Variants in METTL15 observed in about 807,000 individuals in gnomAD.
METTL15 encodes methyltransferase 15, mitochondrial 12S rRNA N4-cytidine, also known as 12S rRNA N(4)-cytidine methyltransferase METTL15.
A neutral mutation model predicts 38.3 loss-of-function variants in METTL15; 34 were observed. That is an observed-to-expected ratio of 0.89 (90% confidence interval 0.68 to 1.18). METTL15 has a LOEUF of 1.18. METTL15 is among the 50% of genes most tolerant of loss of function. METTL15 has a pLI of 0.00. For synonymous variants in METTL15, 162 were observed against 170.9 expected (o/e 0.95, Z 0.41); for missense variants, 438 against 498.4 (o/e 0.88, Z 1.15).
chr11:28,263,302 ACT>A (rs1855283717), intron 4 of METTL15, among the ~76,000 whole-genome samples: 1 of 151,794 alleles, frequency 6.6e-6, no homozygotes, highest in Non-Finnish European at 1.5e-5. Context: ...ATAAAATGAG[ACT>A]CTCTATCGTT....
At chr11:28,197,252 C>A (rs933148566) in intron 3 of METTL15, among the ~76,000 whole-genome samples, 16 of 151,758 alleles carry the variant, frequency 1.1e-4, no homozygotes, top group Admixed American at 2.6e-4. Flanking sequence ...TTTTAAAAGA[C>A]CTTCTGTCAA....
chr11:28,346,534 G>C (rs1332539105), intron 3 of METTL15, among the ~76,000 whole-genome samples: 3 of 151,960 alleles, frequency 2.0e-5, no homozygotes, highest in Non-Finnish European at 4.4e-5. Context: ...TTCTTTAATG[G>C]GGTTTAGAAA....
At chr11:28,155,452 T>C (rs189241933) in intron 3 of METTL15, among the ~76,000 whole-genome samples, 59 of 152,320 alleles carry the variant, frequency 3.9e-4, no homozygotes, top group African/African-American at 1.4e-3. Context: ...GCCTCAATAA[T>C]GCATCCTTTC....
intron 3 of METTL15, among the ~76,000 whole-genome samples, chr11:28,165,831 A>G (rs1049820936): frequency 7.2e-5 from 11 of 152,056 alleles, no homozygotes; most frequent in Non-Finnish European, 4.4e-5. Flanking sequence ...ATTTTTGCAT[A>G]TAGTCTCAGA....
chr11:28,183,006 T>G (rs899954699), intron 3 of METTL15, among the ~76,000 whole-genome samples: 6 of 152,138 alleles, frequency 3.9e-5, no homozygotes, highest in Non-Finnish European at 8.8e-5. Context: ...GGTATTTTAT[T>G]CTCTTAGTAG....
chr11:28,141,604 G>A (rs1361859529), intron 3 of METTL15, among the ~76,000 whole-genome samples: 4 of 152,148 alleles, frequency 2.6e-5, no homozygotes, highest in South Asian at 2.1e-4. Flanking sequence ...TGGGAGGATC[G>A]CTTGATCTGG....
chr11:28,275,973 C>A (rs1176140108), intron 4 of METTL15, among the ~76,000 whole-genome samples: 1 of 152,016 alleles, frequency 6.6e-6, no homozygotes, highest in African/African-American at 2.4e-5. Context: ...ATATATTACA[C>A]ACCTATAGCT....
intron 6 of METTL15, among the ~76,000 whole-genome samples, chr11:28,432,255 A>G (rs925224723): frequency 6.6e-6 from 1 of 152,224 alleles, no homozygotes; most frequent in African/African-American, 2.4e-5. Flanking sequence ...ACTTGCTGCT[A>G]TTTTAACTGT....
chr11:28,152,535 TCA>T (rs1565127335), intron 3 of METTL15, among the ~76,000 whole-genome samples: 1 of 151,934 alleles, frequency 6.6e-6, no homozygotes, highest in African/African-American at 2.4e-5. Context: ...TTTTTTTAAC[TCA>T]CAGTCTTTGA....
At chr11:28,270,029 G>A (rs1590240969) in intron 4 of METTL15, among the ~76,000 whole-genome samples, 1 of 152,300 alleles carries the variant, frequency 6.6e-6, no homozygotes, top group East Asian at 1.9e-4. Flanking sequence ...AGATGCCTGT[G>A]TATAAGGAGA....
At chr11:28,280,385 G>T (rs994995359) in intron 4 of METTL15, among the ~76,000 whole-genome samples, 1 of 152,040 alleles carries the variant, frequency 6.6e-6, no homozygotes, top group Non-Finnish European at 1.5e-5. Flanking sequence ...TTGCTCTCTT[G>T]AGTGTAATTT....
intron 4 of METTL15, among the ~76,000 whole-genome samples, chr11:28,224,640 G>A (rs1853396741): frequency 6.6e-6 from 1 of 151,608 alleles, no homozygotes; most frequent in Non-Finnish European, 1.5e-5. Flanking sequence ...TAAAACACAC[G>A]ATTTTATTGG....
intron 3 of METTL15, among the ~76,000 whole-genome samples, chr11:28,209,527 A>G (rs558931844): frequency 6.6e-6 from 1 of 152,090 alleles, no homozygotes; most frequent in African/African-American, 2.4e-5. Context: ...GGTGATAGTG[A>G]TAGAAGTACA....
chr11:28,520,286 C>T (rs988021894), intron 6 of METTL15, among the ~76,000 whole-genome samples: 4 of 151,754 alleles, frequency 2.6e-5, no homozygotes, highest in Admixed American at 2.6e-4. Flanking sequence ...CTGCAGTGAG[C>T]CGTGATCCAA....
intron 4 of METTL15, among the ~76,000 whole-genome samples, chr11:28,258,561 C>T (rs552452275): frequency 2.6e-4 from 39 of 152,174 alleles, no homozygotes; most frequent in African/African-American, 7.2e-4. Context: ...TTTAGTGTAC[C>T]GTAGCTGAGC....
chr11:28,392,100 A>C (rs1183614666), intron 5 of METTL15, among the ~76,000 whole-genome samples: 2 of 152,202 alleles, frequency 1.3e-5, no homozygotes, highest in Non-Finnish European at 2.9e-5. Flanking sequence ...TCTACTATGA[A>C]CTCAAACAAA....
intron 6 of METTL15, among the ~76,000 whole-genome samples, chr11:28,424,974 G>A (rs1424673686): frequency 6.6e-6 from 1 of 152,154 alleles, no homozygotes; most frequent in African/African-American, 2.4e-5. Context: ...TTCCTTGCTG[G>A]GATGGGAGCA....
intron 5 of METTL15, among the ~76,000 whole-genome samples, chr11:28,366,813 T>A (rs1347380206): frequency 6.6e-6 from 1 of 152,064 alleles, no homozygotes; most frequent in Admixed American, 6.5e-5. Flanking sequence ...GATGGTAGAA[T>A]AAAATGCCCC....
chr11:28,124,741 G>C (rs902027479), intron 3 of METTL15, among the ~76,000 whole-genome samples: 1 of 152,076 alleles, frequency 6.6e-6, no homozygotes, highest in Non-Finnish European at 1.5e-5. Context: ...GGTACCATTA[G>C]TCTCTTGTCT....
Sources: gnomAD v4.1 joint callset for allele counts (sites outside exome capture counted in the v4.1 genomes callset) on GRCh38, gnomAD v4.1.1 for gene constraint, MANE v1.5 for transcripts, NCBI Gene and HGNC (gene_info 2026-07-23, HGNC 2026-07-21) for gene names.